TMEM181: variants seen among roughly 807,000 people sequenced by gnomAD.
TMEM181 encodes G protein-coupled receptor 178.
TMEM181 carries 39 observed loss-of-function variants against 71.9 expected under a neutral mutation model. That is an observed-to-expected ratio of 0.54 (90% CI 0.42 to 0.71). The LOEUF (loss-of-function observed/expected upper bound fraction) is 0.71, where lower values mean the gene tolerates loss of function less well. Ranked by LOEUF, TMEM181 falls within the 30% of genes least tolerant of loss-of-function variation. The pLI, the probability that TMEM181 is intolerant of heterozygous loss-of-function variation, is 0.00. For missense variants in TMEM181, 595 were observed against 583.0 expected, an observed-to-expected ratio of 1.02 and a Z score of -0.21; for synonymous variants, 245 against 228.8, an observed-to-expected ratio of 1.07 and a Z score of -0.64.
At position 158,576,770 on chromosome 6, in the gene TMEM181, G is replaced by A. The variant is rs186198306; in HGVS notation, c.112+3247G>A. 2.7e-3 allele frequency among the ~76,000 whole-genome samples: 404 copies of A among 152,226 alleles called. 1 individual carries two copies. The highest frequency in any genetic ancestry group is 4.1e-3 in the Non-Finnish European group (279 of 68,016). On this transcript the variant is annotated intron_variant, in intron 2 of 16. Transcript: ENST00000684151. ...TTTAAGTGTCCACTTTTAAACAAAA[G>A]GTCACAAGGCGGCCGGGCGTGGTGG...
At position 158,607,282 on chromosome 6, in the gene TMEM181, A is replaced by G; in HGVS notation, c.612A>G (p.Arg204=). Residue 204 remains arginine, a synonymous_variant, in exon 8 of 17, where the codon AGA becomes AGG. Coordinates refer to ENST00000684151, the MANE Select transcript of TMEM181 (RefSeq NM_001376852.1). ...ATTCCCTCCGGAAATTTTCCATGAG[A>G]GACTGGGGCATCGAGCAGAAGTGGA... ...FAHSLRKFSM[R]DWGIEQKWMS... is the part of the protein sequence containing the mutation. 1 of 1,614,192 alleles carries G rather than the reference A, an allele frequency of 6.2e-7. No individual in the cohort carries two copies. The highest frequency in any genetic ancestry group is 2.2e-5 in the East Asian group (1 of 44,886).
chr6:158,547,368 T>A (rs1781560168), intron 1 of TMEM181, among the ~76,000 whole-genome samples: 2 of 151,868 alleles, frequency 1.3e-5, no homozygotes, highest in Admixed American at 1.3e-4. Context: ...AGCACTGGGT[T>A]TTTTTTAAAG....
chr6:158,584,341 C>G (rs1783647529), intron 4 of TMEM181, among the ~76,000 whole-genome samples: 1 of 152,218 alleles, frequency 6.6e-6, no homozygotes, highest in African/African-American at 2.4e-5. Flanking sequence ...GAATTAAGAC[C>G]TGATGCCCTA....
chr6:158,545,116 C>G (rs970608659), intron 1 of TMEM181, among the ~76,000 whole-genome samples: 1 of 152,226 alleles, frequency 6.6e-6, no homozygotes, highest in African/African-American at 2.4e-5. Context: ...GCGGCTTGCT[C>G]AGCCGTGGGC....
chr6:158,587,628 C>T (rs1244104607), intron 5 of TMEM181, among the ~76,000 whole-genome samples: 1 of 150,568 alleles, frequency 6.6e-6, no homozygotes, highest in African/African-American at 2.4e-5. Flanking sequence ...CCGTGCCTGG[C>T]TTCCTTTTTT....
At chr6:158,597,603 C>T (rs979885541) in intron 6 of TMEM181, among the ~76,000 whole-genome samples, 1 of 152,140 alleles carries the variant, frequency 6.6e-6, no homozygotes, top group Admixed American at 6.5e-5. Context: ...CAGCCTCAAG[C>T]GATCCTTCCA....
In TMEM181 at chr6:158,605,129, AAAGTGT is replaced by A. The variant is rs1484399763; in HGVS notation, c.493-137_493-132del. 1,079 of 394,048 alleles carry A rather than the reference AAAGTGT, an allele frequency of 2.7e-3. 15 individuals are homozygous for A. In the African/African-American group the frequency reaches 0.029, roughly 11 times the overall value. The allele number at this position is 394,048 out of a possible 1,614,324, so 24.4% of individuals were successfully genotyped here. A position where few individuals can be genotyped will look rare whatever the true frequency, so the allele number is the denominator to read the frequency against. ...ACTCCATATCCAAAAAAAAAAAAAAAAAGTGTGTGTGTGTGTGTGTGTGTGTGTGTA... is the reference window on the plus strand; with the variant it reads ...ACTCCATATCCAAAAAAAAAAAAAAAGTGTGTGTGTGTGTGTGTGTGTGTA... On this transcript the variant is annotated intron_variant, in intron 6 of 16. Coordinates refer to ENST00000684151, the MANE Select transcript of TMEM181 (RefSeq NM_001376852.1).
At chr6:158,618,744 C>G (rs1238343295) in intron 10 of TMEM181, among the ~76,000 whole-genome samples, 2 of 152,332 alleles carry the variant, frequency 1.3e-5, no homozygotes, top group East Asian at 3.9e-4. Flanking sequence ...TTCTCCTTCA[C>G]TTATGAAGCT....
upstream of TMEM181, among the ~76,000 whole-genome samples, chr6:158,555,671 T>C (rs1025698781): frequency 6.6e-6 from 1 of 152,224 alleles, no homozygotes; most frequent in East Asian, 1.9e-4. Context: ...GAAGCCATAA[T>C]ATACAGCTAG....
intron 6 of TMEM181, among the ~76,000 whole-genome samples, chr6:158,594,761 C>T (rs893875257): frequency 2.6e-5 from 4 of 152,168 alleles, no homozygotes; most frequent in African/African-American, 9.7e-5. Flanking sequence ...AATCTCAGCT[C>T]ACTGCAACCT....
At chr6:158,545,358 G>T (rs1781493009) in intron 1 of TMEM181, among the ~76,000 whole-genome samples, 1 of 152,260 alleles carries the variant, frequency 6.6e-6, no homozygotes. Context: ...GCCTCCCCTG[G>T]CCTTGTCCTG....
At chr6:158,629,544 A>G (rs1786540169) in intron 14 of TMEM181, among the ~76,000 whole-genome samples, 186 bp from the exon 15 acceptor site, 1 of 151,504 alleles carries the variant, frequency 6.6e-6, no homozygotes, top group African/African-American at 2.4e-5. Flanking sequence ...GACCTCGAAG[A>G]GTGCTTGTGA....
intron 2 of TMEM181, 47 bp from the exon 3 acceptor site, chr6:158,580,893 A>G (rs1241905896): frequency 1.3e-6 from 2 of 1,530,312 alleles, no homozygotes. Flanking sequence ...ATACTAAATT[A>G]TCAATATTGC....
intron 6 of TMEM181, among the ~76,000 whole-genome samples, chr6:158,597,654 C>A (rs1183617954): frequency 6.6e-6 from 1 of 152,134 alleles, no homozygotes; most frequent in African/African-American, 2.4e-5. Context: ...AGGCACACAC[C>A]ACCATGCCTG....
chr6:158,590,449 TTTTTG>T (rs1410142517), intron 6 of TMEM181, among the ~76,000 whole-genome samples: 1 of 152,088 alleles, frequency 6.6e-6, no homozygotes, highest in African/African-American at 2.4e-5. Flanking sequence ...CAGTGGTTTT[TTTTTG>T]TTTTGTTTTG....
intron 1 of TMEM181, among the ~76,000 whole-genome samples, chr6:158,551,426 A>G (rs1781721291): frequency 6.6e-6 from 1 of 152,194 alleles, no homozygotes; most frequent in Admixed American, 6.5e-5. Context: ...TTTTCCATGA[A>G]AAGCCATTTT....
intron 12 of TMEM181, 134 bp downstream of exon 12, chr6:158,625,340 A>G (rs999840146): frequency 1.3e-5 from 10 of 768,450 alleles, no homozygotes; most frequent in Non-Finnish European, 2.2e-5. Context: ...CAGGCTGGGG[A>G]CCAGGGCACG....
At chr6:158,629,133 C>G (rs1366930198) in intron 14 of TMEM181, among the ~76,000 whole-genome samples, 3 of 152,190 alleles carry the variant, frequency 2.0e-5, no homozygotes, top group African/African-American at 7.2e-5. Context: ...TAGGTATGTG[C>G]TTTCCACTCT....
chr6:158,544,182 AGTGTGTGT>A (rs34605570), intron 1 of TMEM181, among the ~76,000 whole-genome samples: 33 of 127,646 alleles, frequency 2.6e-4, no homozygotes, highest in East Asian at 9.0e-4. Flanking sequence ...AATTGGAGAG[AGTGTGTGT>A]GTGTGTGTGT....
Sources: allele counts gnomAD v4.1 joint callset (sites outside exome capture counted in the v4.1 genomes callset), GRCh38; gene constraint gnomAD v4.1.1; transcripts MANE v1.5; gene names NCBI Gene and HGNC (gene_info 2026-07-23, HGNC 2026-07-21).